PCDH11X: variants seen among roughly 807,000 people sequenced by gnomAD.
PCDH11X encodes protocadherin-11 X-linked.
In PCDH11X, 18 loss-of-function variants were observed where a neutral mutation model predicts 53.3. The observed-to-expected ratio is 0.34, with a 90% confidence interval of 0.23 to 0.50. The LOEUF (loss-of-function observed/expected upper bound fraction) is 0.50, where lower values mean the gene tolerates loss of function less well. Ranked by LOEUF, PCDH11X falls within the 20% of genes least tolerant of loss-of-function variation. PCDH11X has a pLI of 0.98. For synonymous variants in PCDH11X, 279 were observed against 393.3 expected, an observed-to-expected ratio of 0.71 and a Z score of 3.44; for missense variants, 570 against 1,032.4, an observed-to-expected ratio of 0.55 and a Z score of 6.14.
intron 10 of PCDH11X, among the ~76,000 whole-genome samples, chrX:92,604,810 A>T (rs1171091553): frequency 2.7e-5 from 3 of 109,207 alleles, no homozygotes; most frequent in Non-Finnish European, 5.7e-5. Flanking sequence ...CGGCAATAAA[A>T]GACTTTAAAA....
intron 6 of PCDH11X, among the ~76,000 whole-genome samples, chrX:92,105,199 G>T (rs1464295336): frequency 9.0e-6 from 1 of 111,526 alleles, no homozygotes; most frequent in Non-Finnish European, 1.9e-5. Flanking sequence ...TTAAGAGAAG[G>T]GAGAGATTGA....
At chrX:91,940,301 T>G (rs1347705300) in intron 6 of PCDH11X, among the ~76,000 whole-genome samples, 1 of 111,547 alleles carries the variant, frequency 9.0e-6, no homozygotes, top group Non-Finnish European at 1.9e-5. Context: ...TCTTTTCTTT[T>G]AAATTACCCA....
chrX:92,118,726 G>T (rs2064688157), intron 6 of PCDH11X, among the ~76,000 whole-genome samples: 1 of 92,643 alleles, frequency 1.1e-5, no homozygotes, highest in Non-Finnish European at 2.1e-5. Context: ...TGGTTATAAT[G>T]CAGTCTTTTT....
chrX:92,266,440 A>G (rs1435304645), intron 8 of PCDH11X, among the ~76,000 whole-genome samples: 1 of 112,011 alleles, frequency 8.9e-6, no homozygotes, highest in African/African-American at 3.2e-5. Flanking sequence ...TTTCTCAATG[A>G]TTTCTCTAGA....
At chrX:92,148,117 T>C (rs868199675) in intron 6 of PCDH11X, among the ~76,000 whole-genome samples, 23 of 16,297 alleles carry the variant, frequency 1.4e-3, no homozygotes, top group South Asian at 3.3e-3. Flanking sequence ...TTTCTTTCTT[T>C]CTTTCTTTCT....
chrX:92,037,953 A>C (rs1476546670), intron 6 of PCDH11X, among the ~76,000 whole-genome samples: 17 of 98,314 alleles, frequency 1.7e-4, no homozygotes, highest in South Asian at 1.4e-3. Context: ...TCTGGATATT[A>C]GACCTTTGTC....
chrX:92,286,862 A>G (rs1224785064), intron 8 of PCDH11X, among the ~76,000 whole-genome samples: 1 of 93,161 alleles, frequency 1.1e-5, no homozygotes. Flanking sequence ...TGATAAAAAG[A>G]AGTCTTTCTC....
At chrX:92,085,477 G>T (rs1602865047) in intron 6 of PCDH11X, among the ~76,000 whole-genome samples, 1 of 84,331 alleles carries the variant, frequency 1.2e-5, no homozygotes. Flanking sequence ...TCTTAATTTG[G>T]TTGCAAAAAA....
chrX:91,801,844 G>A (rs1355574675), intron 1 of PCDH11X, among the ~76,000 whole-genome samples: 4 of 112,239 alleles, frequency 3.6e-5, no homozygotes, highest in South Asian at 3.7e-4. Context: ...ATATGTGAAA[G>A]ATGCTTAGGA....
At chrX:92,504,633 G>A (rs1461728167) in intron 10 of PCDH11X, among the ~76,000 whole-genome samples, 1 of 111,306 alleles carries the variant, frequency 9.0e-6, no homozygotes, top group Non-Finnish European at 1.9e-5. Flanking sequence ...TTTCTGGTAG[G>A]AGGATTTATA....
At chrX:92,353,540 C>T (rs764761210) in intron 8 of PCDH11X, among the ~76,000 whole-genome samples, 182 of 110,720 alleles carry the variant, frequency 1.6e-3, no homozygotes, top group African/African-American at 5.8e-3. Context: ...AATCATTTTA[C>T]GCCTCTTTGC....
chrX:92,031,051 G>T (rs2063041822), intron 6 of PCDH11X, among the ~76,000 whole-genome samples: 1 of 110,759 alleles, frequency 9.0e-6, no homozygotes, highest in Non-Finnish European at 1.9e-5. Context: ...AGTTTTTTGA[G>T]GAACCTCCAA....
At position 92,274,748 on chromosome X, in the gene PCDH11X, G is replaced by A. The variant is rs781310586; in HGVS notation, c.3144+11605G>A. 3.0e-4 allele frequency among the ~76,000 whole-genome samples: 33 copies of A among 110,877 alleles called. No homozygotes were observed. In the South Asian group the frequency reaches 9.6e-3, roughly 32 times the overall value. ...AAGGAAATGAGAGGTTCTGAGAGGC[G>A]GGCTAGTGGCTTGTACTATAGCATA... On this transcript the variant is annotated intron_variant, in intron 8 of 10. Coordinates refer to ENST00000682573, the MANE Select transcript of PCDH11X (RefSeq NM_032968.5).
chrX:92,341,443 T>C (rs866521614), intron 8 of PCDH11X, among the ~76,000 whole-genome samples: 1 of 111,844 alleles, frequency 8.9e-6, no homozygotes. Flanking sequence ...TACCAGAGAC[T>C]GGGTAATTTA....
chrX:92,009,698 G>A (rs1220539779), intron 6 of PCDH11X, among the ~76,000 whole-genome samples: 2 of 81,030 alleles, frequency 2.5e-5, no homozygotes, highest in East Asian at 9.2e-4. Flanking sequence ...AGTGACTGTT[G>A]CCTTTTTTTT....
chrX:92,471,954 G>GT (rs766215847), intron 10 of PCDH11X, among the ~76,000 whole-genome samples: 1 of 110,099 alleles, frequency 9.1e-6, no homozygotes, highest in African/African-American at 3.3e-5. Context: ...TAATGGAGTT[G>GT]TTTTTTTTCT....
chrX:92,439,434 T>C (rs181597752), intron 9 of PCDH11X, among the ~76,000 whole-genome samples: 47 of 111,241 alleles, frequency 4.2e-4, no homozygotes, highest in African/African-American at 1.4e-3. Context: ...TTCCTCCATG[T>C]AATGAATGAC....
intron 5 of PCDH11X, among the ~76,000 whole-genome samples, chrX:91,863,859 A>C (rs1938822843): frequency 8.9e-6 from 1 of 111,899 alleles, no homozygotes; most frequent in Admixed American, 9.5e-5. Flanking sequence ...TTGTTTGCAT[A>C]AACTGACAAT....
intron 8 of PCDH11X, among the ~76,000 whole-genome samples, chrX:92,359,093 TA>T (rs2070285306): frequency 9.2e-6 from 1 of 108,807 alleles, no homozygotes; most frequent in African/African-American, 3.3e-5. Context: ...TAATTTCATT[TA>T]TGTTTTTTTT....
Sources: gnomAD v4.1 joint callset for allele counts (sites outside exome capture counted in the v4.1 genomes callset) on GRCh38, gnomAD v4.1.1 for gene constraint, MANE v1.5 for transcripts, NCBI Gene and HGNC (gene_info 2026-07-23, HGNC 2026-07-21) for gene names.